NUSAP1: variants seen among roughly 807,000 people sequenced by gnomAD.
The protein encoded by NUSAP1 is nucleolar and spindle associated protein 1.
A neutral mutation model predicts 52.8 loss-of-function variants in NUSAP1; 32 were observed. That is an observed-to-expected ratio of 0.61 (90% CI 0.46 to 0.81). The LOEUF is 0.81. NUSAP1 is among the 40% of genes least tolerant of loss of function. NUSAP1 has a pLI of 0.00. For synonymous variants in NUSAP1, 195 were observed against 183.1 expected (o/e 1.06, Z -0.52); for missense variants, 499 against 522.3 (o/e 0.96, Z 0.43).
rs145485751 is a variant in NUSAP1 at position 41,347,608 on chromosome 15, GATCGAGACC to G, written c.163-1486_163-1478del. ...AGGTGGGCGGATCACAAGGTCAACA[GATCGAGACC>G]ATCCTGGCTAACAGGCGAAACCCCG... is the stretch of plus-strand genomic sequence containing the variant. On this transcript the variant is annotated intron_variant, in intron 2 of 10. Coordinates refer to ENST00000559596, the MANE Select transcript of NUSAP1 (RefSeq NM_016359.5). Among the ~76,000 whole-genome samples, 1,033 of 152,112 alleles carry G rather than the reference GATCGAGACC, an allele frequency of 6.8e-3. 10 individuals carry two copies. Among genetic ancestry groups the G allele is most frequent in the African/African-American group, 0.024 (985 of 41,502 alleles).
At chr15:41,355,875 A>G (rs1427988484) in intron 4 of NUSAP1, among the ~76,000 whole-genome samples, 164 bp from the exon 5 acceptor site, 1 of 150,788 alleles carries the variant, frequency 6.6e-6, no homozygotes, top group Non-Finnish European at 1.5e-5. Context: ...ATGGGGTTTG[A>G]TAGTTTATAA....
intron 4 of NUSAP1, among the ~76,000 whole-genome samples, chr15:41,351,504 G>A (rs547001897): frequency 6.6e-6 from 1 of 152,254 alleles, no homozygotes; most frequent in Admixed American, 6.5e-5. Flanking sequence ...CACCCAAATA[G>A]GCCAAGCATA....
chr15:41,334,360 G>A (rs1262971182), intron 1 of NUSAP1, among the ~76,000 whole-genome samples: 6 of 152,124 alleles, frequency 3.9e-5, no homozygotes, highest in African/African-American at 7.2e-5. Flanking sequence ...TTCCTGATCC[G>A]CCCGCCTCAG....
At chr15:41,338,399 T>C (rs548066943) in intron 1 of NUSAP1, among the ~76,000 whole-genome samples, 7 of 152,148 alleles carry the variant, frequency 4.6e-5, no homozygotes, top group Non-Finnish European at 8.8e-5. Flanking sequence ...CAGTACATTG[T>C]TCAGGCCCAG....
intron 10 of NUSAP1, 32 bp from the exon 11 acceptor site, chr15:41,380,061 C>A: frequency 6.6e-7 from 1 of 1,512,548 alleles, no homozygotes; most frequent in South Asian, 1.2e-5. Context: ...TGGAGCCTCC[C>A]TAGAGCTTAA....
chr15:41,341,134 C>T (rs1219516134), intron 1 of NUSAP1, among the ~76,000 whole-genome samples: 2 of 152,144 alleles, frequency 1.3e-5, no homozygotes, highest in African/African-American at 2.4e-5. Flanking sequence ...ATCATCTCCT[C>T]GGCTCACTGC....
chr15:41,355,723 C>T (rs1167741094), intron 4 of NUSAP1, among the ~76,000 whole-genome samples: 2 of 151,616 alleles, frequency 1.3e-5, no homozygotes, highest in African/African-American at 4.8e-5. Context: ...GTTGCCCAGG[C>T]TGGAGTGCAG....
At chr15:41,336,994 C>CTTTTCTTTTT (rs1323590195) in intron 1 of NUSAP1, among the ~76,000 whole-genome samples, 2 of 141,494 alleles carry the variant, frequency 1.4e-5, no homozygotes, top group Non-Finnish European at 3.0e-5. Context: ...TTTTCCTTTC[C>CTTTTCTTTTT]TTTTCTTTTT....
At chr15:41,357,368 AAAAT>A (rs760094258) in intron 5 of NUSAP1, among the ~76,000 whole-genome samples, 15 of 152,096 alleles carry the variant, frequency 9.9e-5, no homozygotes, top group African/African-American at 3.1e-4. Context: ...ACTCCGTCTC[AAAAT>A]AAATAAATAA....
At chr15:41,378,906 A>C (rs1386727216) in intron 10 of NUSAP1, among the ~76,000 whole-genome samples, 1 of 149,814 alleles carries the variant, frequency 6.7e-6, no homozygotes, top group East Asian at 1.9e-4. Context: ...AACCAAAAAA[A>C]AAAAAGAAAA....
chr15:41,355,083 C>G (rs2048916236), intron 4 of NUSAP1, among the ~76,000 whole-genome samples: 1 of 152,080 alleles, frequency 6.6e-6, no homozygotes, highest in African/African-American at 2.4e-5. Flanking sequence ...CTCCTGGACT[C>G]AAGCCATCCA....
intron 4 of NUSAP1, 73 bp from the exon 5 acceptor site, chr15:41,355,966 C>T (rs376019345): frequency 1.7e-5 from 15 of 898,070 alleles, no homozygotes; most frequent in East Asian, 1.6e-4. Flanking sequence ...GCGTGAGCTA[C>T]CGTGCCCGGC....
intron 6 of NUSAP1, among the ~76,000 whole-genome samples, chr15:41,361,670 G>A (rs890830075): frequency 6.6e-6 from 1 of 152,136 alleles, no homozygotes; most frequent in African/African-American, 2.4e-5. Flanking sequence ...CATAAACGTT[G>A]AGTATTGCTC....
chr15:41,341,212 C>G (rs1289724415), intron 1 of NUSAP1, among the ~76,000 whole-genome samples: 4 of 152,114 alleles, frequency 2.6e-5, no homozygotes, highest in Non-Finnish European at 5.9e-5. Flanking sequence ...ACTACAGGCA[C>G]ACACCACCAT....
At chr15:41,376,015 G>T (rs559936886) in intron 9 of NUSAP1, among the ~76,000 whole-genome samples, 187 bp downstream of exon 9, 2 of 152,082 alleles carry the variant, frequency 1.3e-5, no homozygotes, top group Non-Finnish European at 2.9e-5. Flanking sequence ...GCAGTGAGCC[G>T]AGACCGTGCC....
At chr15:41,370,032 G>C (rs922989107) in intron 7 of NUSAP1, among the ~76,000 whole-genome samples, 1 of 151,452 alleles carries the variant, frequency 6.6e-6, no homozygotes, top group African/African-American at 2.4e-5. Context: ...TCACGCCACT[G>C]CACTGCAGCC....
chr15:41,347,384 A>G (rs1309881139), intron 2 of NUSAP1, among the ~76,000 whole-genome samples: 2 of 152,162 alleles, frequency 1.3e-5, no homozygotes, highest in Non-Finnish European at 2.9e-5. Context: ...TAGTTATCAG[A>G]CAAAGGCTCC....
chr15:41,363,311 C>T (rs1031501300), intron 6 of NUSAP1, among the ~76,000 whole-genome samples: 1 of 149,654 alleles, frequency 6.7e-6, no homozygotes, highest in Non-Finnish European at 1.5e-5. Context: ...AAGATCTTGC[C>T]TGTCTGTGTG....
At chr15:41,378,110 A>G (rs2050045656) in intron 10 of NUSAP1, among the ~76,000 whole-genome samples, 2 of 152,288 alleles carry the variant, frequency 1.3e-5, no homozygotes, top group Admixed American at 1.3e-4. Context: ...ATTGTTTCCA[A>G]GGCTCTGCAG....
Sources: gnomAD v4.1 joint callset for allele counts (sites outside exome capture counted in the v4.1 genomes callset) on GRCh38, gnomAD v4.1.1 for gene constraint, MANE v1.5 for transcripts, NCBI Gene and HGNC (gene_info 2026-07-23, HGNC 2026-07-21) for gene names.